The following NKAIN2 variants were observed in gnomAD, a reference collection of about 807,000 sequenced individuals.
NKAIN2 encodes the protein sodium/potassium-transporting ATPase subunit beta-1-interacting protein 2.
A neutral mutation model predicts 32.6 loss-of-function variants in NKAIN2; 14 were observed. That is an observed-to-expected ratio of 0.43 (90% CI 0.28 to 0.67). NKAIN2 has a LOEUF of 0.67. NKAIN2 is among the 30% of genes least tolerant of loss of function. NKAIN2 has a pLI of 0.17. For synonymous variants in NKAIN2, 80 were observed against 87.2 expected (o/e 0.92, Z 0.46); for missense variants, 198 against 258.3 (o/e 0.77, Z 1.60).
At chr6:124,779,032 G>A (rs894963204) in intron 4 of NKAIN2, among the ~76,000 whole-genome samples, 10 of 151,756 alleles carry the variant, frequency 6.6e-5, no homozygotes, top group African/African-American at 1.9e-4. Context: ...TGTCAGGAGC[G>A]CAAGACCAGC....
intron 1 of NKAIN2, among the ~76,000 whole-genome samples, chr6:124,082,554 T>G (rs917308538): frequency 2.6e-5 from 4 of 151,978 alleles, no homozygotes; most frequent in Admixed American, 6.6e-5. Flanking sequence ...AAATGTAGAC[T>G]TAAAATTTTT....
chr6:124,418,246 T>G (rs1192768807), intron 3 of NKAIN2, among the ~76,000 whole-genome samples: 3 of 152,036 alleles, frequency 2.0e-5, no homozygotes, highest in Non-Finnish European at 4.4e-5. Flanking sequence ...TCAGAGTAAC[T>G]TGTAACAAAC....
intron 1 of NKAIN2, among the ~76,000 whole-genome samples, chr6:124,145,872 G>T (rs1411815087): frequency 2.0e-5 from 3 of 152,222 alleles, no homozygotes; most frequent in South Asian, 4.2e-4. Context: ...GGGAGTCTCA[G>T]GAAAAAGGCA....
chr6:124,556,727 G>A (rs1157878175), intron 3 of NKAIN2, among the ~76,000 whole-genome samples: 1 of 152,128 alleles, frequency 6.6e-6, no homozygotes, highest in African/African-American at 2.4e-5. Flanking sequence ...AAAACTGTAT[G>A]AGTTAGTTAT....
chr6:123,835,880 T>C (rs772410596), intron 1 of NKAIN2, among the ~76,000 whole-genome samples: 24 of 152,168 alleles, frequency 1.6e-4, no homozygotes, highest in Admixed American at 3.3e-4. Context: ...TGGTTCCTGC[T>C]TACCCCAGTC....
chr6:124,332,598 C>T (rs566300492), intron 2 of NKAIN2, among the ~76,000 whole-genome samples: 20 of 151,828 alleles, frequency 1.3e-4, no homozygotes, highest in African/African-American at 4.1e-4. Flanking sequence ...ATGATATATT[C>T]GTTAAGAAAT....
Position 124,544,874 on chromosome 6 carries a change from T to A in NKAIN2, c.274-113312T>A, listed in dbSNP as rs570424332. 5.3e-5 allele frequency among the ~76,000 whole-genome samples: 8 copies of A among 152,180 alleles called. No individual in the cohort carries two copies. In the East Asian group the frequency reaches 1.4e-3, roughly 26 times the overall value. ...TAAATTTTAGAACTTCCCCGGAAAA[T>A]TTTTTTGGGGATCTCTAGATGAAGG... On this transcript the variant is annotated intron_variant, in intron 3 of 6. Coordinates refer to ENST00000368417, the MANE Select transcript of NKAIN2 (RefSeq NM_001040214.3).
intron 1 of NKAIN2, among the ~76,000 whole-genome samples, chr6:123,986,843 A>G (rs1317942645): frequency 6.6e-6 from 1 of 152,170 alleles, no homozygotes; most frequent in Non-Finnish European, 1.5e-5. Flanking sequence ...TTGAGTCAAG[A>G]ACTCAGAATG....
At chr6:123,874,700 A>T (rs1773083864) in intron 1 of NKAIN2, among the ~76,000 whole-genome samples, 2 of 152,162 alleles carry the variant, frequency 1.3e-5, no homozygotes, top group South Asian at 4.1e-4. Flanking sequence ...AAGGGTTCAT[A>T]AAAATTGAAT....
chr6:124,080,588 C>CA lies in NKAIN2; in HGVS notation c.55-202411dup, dbSNP rs564023209. ...ATAATCCCTTGAGTTTATATTAGAC[C>CA]AAAAAACATTGTACCAACTACATTT... On this transcript the variant is annotated intron_variant, in intron 1 of 6. Coordinates refer to ENST00000368417, the MANE Select transcript of NKAIN2 (RefSeq NM_001040214.3). 4.3e-4 allele frequency among the ~76,000 whole-genome samples: 65 copies of CA among 151,434 alleles called. 1 individual carries two copies. Among genetic ancestry groups the CA allele is most frequent in the African/African-American group, 1.5e-3 (64 of 41,314 alleles).
intron 1 of NKAIN2, among the ~76,000 whole-genome samples, chr6:124,119,015 A>G (rs930192676): frequency 2.0e-5 from 3 of 152,160 alleles, no homozygotes; most frequent in African/African-American, 4.8e-5. Flanking sequence ...TTAGAGATTC[A>G]TCTAGTCTGT....
chr6:123,859,807 C>T (rs935530899), intron 1 of NKAIN2, among the ~76,000 whole-genome samples: 4 of 152,204 alleles, frequency 2.6e-5, no homozygotes, highest in African/African-American at 9.6e-5. Flanking sequence ...TCCCCTACTT[C>T]AGTCTCCTGA....
intron 3 of NKAIN2, among the ~76,000 whole-genome samples, chr6:124,454,348 T>C (rs1489128467): frequency 6.6e-6 from 1 of 151,852 alleles, no homozygotes; most frequent in Non-Finnish European, 1.5e-5. Context: ...ATAAATAAAA[T>C]TGTAGAGGTG....
At chr6:124,060,768 T>C (rs1782887317) in intron 1 of NKAIN2, among the ~76,000 whole-genome samples, 2 of 152,200 alleles carry the variant, frequency 1.3e-5, no homozygotes, top group Non-Finnish European at 2.9e-5. Context: ...TATAAAACTT[T>C]AAGGTACAGC....
rs148225878 is a variant in NKAIN2 at position 123,860,098 on chromosome 6, G to A, written c.54+55844G>A. On this transcript the variant is annotated intron_variant, in intron 1 of 6. Coordinates refer to ENST00000368417, the MANE Select transcript of NKAIN2 (RefSeq NM_001040214.3). ...AAGGAAAGTCAATGCCACAGTGGAAGCACTTCTACTTGAAGCACTGAAAAC... is the reference window on the plus strand; with the variant it reads ...AAGGAAAGTCAATGCCACAGTGGAAACACTTCTACTTGAAGCACTGAAAAC... Among the ~76,000 whole-genome samples the A allele has an allele frequency of 9.7e-3, 1,484 of 152,258 alleles. 18 individuals carry two copies. The highest frequency in any genetic ancestry group is 0.033 in the African/African-American group (1,372 of 41,542).
intron 1 of NKAIN2, among the ~76,000 whole-genome samples, chr6:124,267,124 G>A (rs886760602): frequency 1.3e-5 from 2 of 152,144 alleles, no homozygotes; most frequent in Non-Finnish European, 2.9e-5. Context: ...GGTCAGAATG[G>A]CTGTCAGAAC....
chr6:124,552,262 T>A (rs1780316381), intron 3 of NKAIN2, among the ~76,000 whole-genome samples: 5 of 152,194 alleles, frequency 3.3e-5, no homozygotes, highest in Admixed American at 3.3e-4. Flanking sequence ...CATGTGCCTC[T>A]CAACTAAATT....
intron 3 of NKAIN2, among the ~76,000 whole-genome samples, chr6:124,427,929 T>G (rs1364854717): frequency 6.6e-6 from 1 of 152,164 alleles, no homozygotes; most frequent in Non-Finnish European, 1.5e-5. Context: ...TAAAATAAAA[T>G]ACTTAAAATT....
intron 3 of NKAIN2, among the ~76,000 whole-genome samples, chr6:124,642,921 A>T (rs539571028): frequency 6.6e-6 from 1 of 152,122 alleles, no homozygotes; most frequent in Non-Finnish European, 1.5e-5. Context: ...GCTCCTGGTC[A>T]TAGTTTCTGC....
Sources: allele counts gnomAD v4.1 joint callset (sites outside exome capture counted in the v4.1 genomes callset), GRCh38; gene constraint gnomAD v4.1.1; transcripts MANE v1.5; gene names NCBI Gene and HGNC (gene_info 2026-07-23, HGNC 2026-07-21).